Variants in ADAMTS18 observed in about 807,000 individuals in gnomAD.
ADAMTS18 encodes A disintegrin and metalloproteinase with thrombospondin motifs 18.
Under a neutral mutation model 165.9 loss-of-function variants are expected in ADAMTS18, and 157 were observed. The ratio of observed to expected loss-of-function variants is 0.95; its 90% confidence interval spans 0.83 to 1.08. The LOEUF (loss-of-function observed/expected upper bound fraction) is 1.08, where lower values mean the gene tolerates loss of function less well. Ranked by LOEUF, ADAMTS18 falls within the 50% of genes least tolerant of loss-of-function variation. ADAMTS18 has a pLI of 0.00. For missense variants in ADAMTS18, 2,040 were observed against 1,534.0 expected, an observed-to-expected ratio of 1.33 and a Z score of -5.51; for synonymous variants, 782 against 578.2, an observed-to-expected ratio of 1.35 and a Z score of -5.06.
chr16:77,350,357 G>A (rs1345577715), intron 10 of ADAMTS18, among the ~76,000 whole-genome samples: 1 of 152,164 alleles, frequency 6.6e-6, no homozygotes, highest in Non-Finnish European at 1.5e-5. Flanking sequence ...TACCAGGGCA[G>A]CCACTGGGGA....
chr16:77,336,504 T>C (rs2056313221), intron 11 of ADAMTS18, among the ~76,000 whole-genome samples: 1 of 152,230 alleles, frequency 6.6e-6, no homozygotes, highest in South Asian at 2.1e-4. Flanking sequence ...ACTCAGTCTG[T>C]ACAAATTGTT....
chr16:77,298,365 G>T (rs1171763991), intron 17 of ADAMTS18, among the ~76,000 whole-genome samples: 1 of 152,106 alleles, frequency 6.6e-6, no homozygotes, highest in African/African-American at 2.4e-5. Flanking sequence ...CCTTTGAATT[G>T]TGTTTTTTAT....
intron 12 of ADAMTS18, among the ~76,000 whole-genome samples, chr16:77,334,879 A>G (rs2056280582): frequency 7.5e-6 from 1 of 132,542 alleles, no homozygotes; most frequent in African/African-American, 2.9e-5. Flanking sequence ...TATATGCACT[A>G]TATATTATAA....
intron 20 of ADAMTS18, among the ~76,000 whole-genome samples, chr16:77,292,814 C>G (rs1275663277): frequency 2.0e-5 from 3 of 152,084 alleles, no homozygotes; most frequent in Non-Finnish European, 4.4e-5. Flanking sequence ...TCTCAAGAAA[C>G]CTCCAGCAGT....
Position 77,290,154 on chromosome 16 carries a change from T to G in ADAMTS18, c.3403-743A>C, listed in dbSNP as rs1464196501. ...CTCAATTAAAATTTAAGGGCAAGTC[T>G]TGTTATCAAATTATCTAAACTAGGA... is the stretch of plus-strand genomic sequence containing the variant. On this transcript the variant is annotated intron_variant, in intron 21 of 22. Transcript: ENST00000282849. Among the ~76,000 whole-genome samples, 5 of 152,234 alleles carry G rather than the reference T, an allele frequency of 3.3e-5. No homozygotes were observed. The South Asian group carries it at 6.2e-4, about 19-fold the overall frequency.
chr16:77,421,865 A>C (rs1474746323), intron 3 of ADAMTS18, among the ~76,000 whole-genome samples: 1 of 152,224 alleles, frequency 6.6e-6, no homozygotes, highest in East Asian at 1.9e-4. Flanking sequence ...AATAAACATT[A>C]ATCAGAAGAA....
chr16:77,412,520 G>A (rs2144831453), intron 3 of ADAMTS18, among the ~76,000 whole-genome samples: 1 of 152,108 alleles, frequency 6.6e-6, no homozygotes, highest in Middle Eastern at 3.4e-3. Context: ...TATAGAGATG[G>A]GGTGTATTAG....
chr16:77,427,599 A>G (rs904552501), intron 3 of ADAMTS18, among the ~76,000 whole-genome samples: 10 of 152,216 alleles, frequency 6.6e-5, no homozygotes, highest in African/African-American at 2.2e-4. Flanking sequence ...GCCACCTGGT[A>G]TAAAAAACAG....
In ADAMTS18 at chr16:77,304,232, T is replaced by C. The variant is rs569732550; in HGVS notation, c.2533-3828A>G. On this transcript the variant is annotated intron_variant, in intron 16 of 22. Transcript: ENST00000282849. Reference sequence around the variant, plus strand: ...CAGGCACTTTGGGAAGCTGAGGCAGTAGGATCTTTTGAGCTCAGAAGTTCA... The same window carrying C: ...CAGGCACTTTGGGAAGCTGAGGCAGCAGGATCTTTTGAGCTCAGAAGTTCA... Among the ~76,000 whole-genome samples the C allele has an allele frequency of 7.2e-5, 11 of 152,248 alleles. No individual in the cohort carries two copies. In the South Asian group the frequency reaches 2.3e-3, roughly 32 times the overall value.
At chr16:77,419,215 G>A (rs1463239254) in intron 3 of ADAMTS18, among the ~76,000 whole-genome samples, 1 of 152,156 alleles carries the variant, frequency 6.6e-6, no homozygotes, top group Non-Finnish European at 1.5e-5. Flanking sequence ...CAGTGTGACT[G>A]TGTTCCCTGC....
intron 20 of ADAMTS18, among the ~76,000 whole-genome samples, chr16:77,291,778 A>T (rs542430790): frequency 6.6e-6 from 1 of 152,320 alleles, no homozygotes; most frequent in African/African-American, 2.4e-5. Flanking sequence ...AGTCCAGGAG[A>T]AAGGCAAGAT....
rs368094601 is a variant in ADAMTS18 at position 77,284,069 on chromosome 16, C to A, written c.3553G>T (p.Asp1185Tyr). 264 of 1,605,076 alleles carry A rather than the reference C, an allele frequency of 1.6e-4. No homozygotes were observed. The highest frequency in any genetic ancestry group is 2.1e-4 in the Non-Finnish European group (250 of 1,172,178). The change falls in exon 23 of 23, where the codon GAT (aspartate) becomes TAT (tyrosine). Residue 1185 changes from aspartate to tyrosine, a missense_variant and splice_region_variant. Physicochemically the swap from Asp to Tyr is radical, Grantham distance 160. Transcript: ENST00000282849. ...TTGAAGAAATCTACGCAGGATGGAT[C>A]CTCTAAAATAAGAAAATATATTTAG... Reference protein sequence around the residue: ...NFCPAPEKREDPSCVDFFNWC... With the variant: ...NFCPAPEKREYPSCVDFFNWC...
At chr16:77,368,310 G>C (rs917464152) in intron 3 of ADAMTS18, among the ~76,000 whole-genome samples, 2 of 152,194 alleles carry the variant, frequency 1.3e-5, no homozygotes, top group Non-Finnish European at 2.9e-5. Flanking sequence ...GAAGGGCTGA[G>C]CCATGGACAT....
At chr16:77,386,146 C>T (rs1295137110) in intron 3 of ADAMTS18, among the ~76,000 whole-genome samples, 4 of 152,084 alleles carry the variant, frequency 2.6e-5, no homozygotes, top group East Asian at 1.9e-4. Context: ...ACAATTTCTG[C>T]GCAAGACAGC....
At chr16:77,352,659 G>A (rs1055236452) in intron 10 of ADAMTS18, among the ~76,000 whole-genome samples, 2 of 152,072 alleles carry the variant, frequency 1.3e-5, no homozygotes. Context: ...TGGCAGAGAA[G>A]GAGGAATAGG....
chr16:77,360,347 G>C (rs939796511), intron 7 of ADAMTS18, among the ~76,000 whole-genome samples: 1 of 152,180 alleles, frequency 6.6e-6, no homozygotes, highest in African/African-American at 2.4e-5. Flanking sequence ...AAAGCTCAGA[G>C]AGGTGAATTA....
At position 77,362,037 on chromosome 16, in the gene ADAMTS18, T is replaced by C. The variant is rs545264207; in HGVS notation, c.1216+68A>G. On this transcript the variant is annotated intron_variant, in intron 7 of 22. Coordinates refer to ENST00000282849, the MANE Select transcript of ADAMTS18 (RefSeq NM_199355.4). Reference sequence around the variant, plus strand: ...TAAGGAACATAAGGGCTATCCATCATCCATAGAAAGTTTCCATACTGTGTT... The same window carrying C: ...TAAGGAACATAAGGGCTATCCATCACCCATAGAAAGTTTCCATACTGTGTT... The C allele has an allele frequency of 2.1e-4, 319 of 1,544,994 alleles. 5 individuals are homozygous for C. The South Asian group carries it at 3.3e-3, about 16-fold the overall frequency.
chr16:77,298,794 G>GA (rs1352577652), intron 17 of ADAMTS18, among the ~76,000 whole-genome samples: 1 of 152,096 alleles, frequency 6.6e-6, no homozygotes, highest in Non-Finnish European at 1.5e-5. Flanking sequence ...CCTATCTCAA[G>GA]AAAAAATAAC....
intron 22 of ADAMTS18, among the ~76,000 whole-genome samples, chr16:77,288,232 T>C (rs977518437): frequency 3.3e-5 from 5 of 152,024 alleles, no homozygotes; most frequent in African/African-American, 9.7e-5. Context: ...GTCATTGTCG[T>C]TGGGGGTGCT....
Sources: gnomAD v4.1 joint callset for allele counts (sites outside exome capture counted in the v4.1 genomes callset) on GRCh38, gnomAD v4.1.1 for gene constraint, MANE v1.5 for transcripts, NCBI Gene and HGNC (gene_info 2026-07-23, HGNC 2026-07-21) for gene names.